The following CFAP61 variants were observed in gnomAD, a reference collection of about 807,000 sequenced individuals.
CFAP61 encodes the protein cilia and flagella associated protein 61, also known as cilia- and flagella-associated protein 61.
Under a neutral mutation model 135.6 loss-of-function variants are expected in CFAP61, and 107 were observed. The observed-to-expected ratio is 0.79, with a 90% CI of 0.67 to 0.93. The LOEUF (loss-of-function observed/expected upper bound fraction) is 0.93. CFAP61 is among the 40% of genes least tolerant of loss of function. CFAP61 has a pLI of 0.00. For missense variants in CFAP61, 1,507 were observed against 1,556.2 expected, an observed-to-expected ratio of 0.97 and a Z score of 0.53; for synonymous variants, 575 against 578.5, an observed-to-expected ratio of 0.99 and a Z score of 0.09.
chr20:20,304,303 T>TGTGAGA (rs754913257), intron 25 of CFAP61, among the ~76,000 whole-genome samples: 11 of 147,574 alleles, frequency 7.5e-5, no homozygotes, highest in African/African-American at 2.3e-4. Context: ...TGTGTGTGTG[T>TGTGAGA]GAGAGAGAGA....
intron 25 of CFAP61, among the ~76,000 whole-genome samples, chr20:20,312,492 C>A (rs553365997): frequency 1.3e-5 from 2 of 152,130 alleles, no homozygotes; most frequent in Admixed American, 1.3e-4. Context: ...GAATATAAAA[C>A]CATGAACAGG....
chr20:20,259,797 C>A (rs916315026), intron 20 of CFAP61: 2 of 152,104 alleles, frequency 1.3e-5, no homozygotes, highest in Non-Finnish European at 2.9e-5. Flanking sequence ...GAGTCTGTTA[C>A]TAAGAAAGGA....
intron 25 of CFAP61, among the ~76,000 whole-genome samples, chr20:20,313,082 T>A (rs1267709419): frequency 6.6e-6 from 1 of 152,224 alleles, no homozygotes; most frequent in Non-Finnish European, 1.5e-5. Context: ...TATGTGACTG[T>A]ATCTGGACAT....
intron 18 of CFAP61, among the ~76,000 whole-genome samples, chr20:20,233,906 G>A (rs1227007900): frequency 6.6e-6 from 1 of 151,780 alleles, no homozygotes; most frequent in African/African-American, 2.4e-5. Context: ...CTTTTTTTGT[G>A]GGTGCTTTGT....
At chr20:20,306,865 T>C (rs1239393147) in intron 25 of CFAP61, among the ~76,000 whole-genome samples, 1 of 152,214 alleles carries the variant, frequency 6.6e-6, no homozygotes, top group East Asian at 1.9e-4. Context: ...AGCACAGGGA[T>C]GGCCCTGCAT....
chr20:20,112,547 TC>T (rs1370349581), intron 8 of CFAP61, among the ~76,000 whole-genome samples: 1 of 152,148 alleles, frequency 6.6e-6, no homozygotes, highest in Non-Finnish European at 1.5e-5. Context: ...CCAGGGGCTT[TC>T]TGGAAAGTCA....
At chr20:20,204,942 G>C (rs2056793784) in intron 17 of CFAP61, among the ~76,000 whole-genome samples, 1 of 152,096 alleles carries the variant, frequency 6.6e-6, no homozygotes, top group African/African-American at 2.4e-5. Context: ...TCTACTTATA[G>C]TGAACTCTTT....
chr20:20,194,102 C>G (rs1327164479), intron 15 of CFAP61, among the ~76,000 whole-genome samples: 1 of 152,168 alleles, frequency 6.6e-6, no homozygotes, highest in African/African-American at 2.4e-5. Flanking sequence ...TATCATGTCT[C>G]TTTTGGCAGT....
chr20:20,250,377 A>C (rs1485676607), intron 19 of CFAP61, among the ~76,000 whole-genome samples: 1 of 152,228 alleles, frequency 6.6e-6, no homozygotes, highest in Admixed American at 6.5e-5. Flanking sequence ...TTAAGAGGTG[A>C]GGAAACTGAA....
At chr20:20,182,209 A>G (rs1416749917) in intron 13 of CFAP61, among the ~76,000 whole-genome samples, 1 of 152,240 alleles carries the variant, frequency 6.6e-6, no homozygotes, top group African/African-American at 2.4e-5. Flanking sequence ...TAGCTGCTTG[A>G]TAATTTGACA....
chr20:20,206,449 C>T (rs1263422789), intron 17 of CFAP61, among the ~76,000 whole-genome samples: 1 of 152,166 alleles, frequency 6.6e-6, no homozygotes, highest in Non-Finnish European at 1.5e-5. Flanking sequence ...TGCTCTCAGC[C>T]CTAGACAACC....
rs1427771677 is a variant in CFAP61 at position 20,263,005 on chromosome 20, A to G, written c.2378A>G (p.Glu793Gly). Reference protein sequence around the residue: ...ADISQHLTNREVPNSSQRRYT... With the variant: ...ADISQHLTNRGVPNSSQRRYT... ...ATTAGTCAACACCTGACAAACAGGG[A>G]GGTTCCCAACAGCAGTCAGCGGCGG... Residue 793 changes from glutamate (E) to glycine (G), a missense_variant, in exon 21 of 27, where the codon GAG (glutamate) becomes GGG (glycine). Physicochemically the swap from Glu to Gly is moderately conservative, Grantham distance 98. Transcript: ENST00000245957. 6.2e-7 allele frequency: 1 copy of G among 1,613,868 alleles called. No individual in the cohort carries two copies. Among genetic ancestry groups the G allele is most frequent in the East Asian group, 2.2e-5 (1 of 44,874 alleles).
At chr20:20,124,766 A>G (rs1057497097) in intron 8 of CFAP61, among the ~76,000 whole-genome samples, 1 of 151,618 alleles carries the variant, frequency 6.6e-6, no homozygotes, top group African/African-American at 2.4e-5. Context: ...TTCTTTCTCT[A>G]TCTTGTGGAA....
intron 25 of CFAP61, among the ~76,000 whole-genome samples, chr20:20,332,804 G>T (rs2058050812): frequency 6.6e-6 from 1 of 152,002 alleles, no homozygotes; most frequent in Admixed American, 6.6e-5. Flanking sequence ...AATTTTTGTA[G>T]AGACAAGCGT....
intron 13 of CFAP61, among the ~76,000 whole-genome samples, chr20:20,180,352 C>T (rs1378427758): frequency 6.6e-6 from 1 of 150,468 alleles, no homozygotes; most frequent in Non-Finnish European, 1.5e-5. Flanking sequence ...AAAAACTGGG[C>T]ACAGAACGTG....
intron 22 of CFAP61, among the ~76,000 whole-genome samples, chr20:20,277,714 TGGCCA>T (rs1221750605): frequency 1.3e-5 from 2 of 152,252 alleles, no homozygotes; most frequent in African/African-American, 2.4e-5. Context: ...CTTCTGGCTT[TGGCCA>T]GACTCAGCTG....
chr20:20,351,657 A>T (rs2122439559), intron 26 of CFAP61, among the ~76,000 whole-genome samples: 1 of 151,908 alleles, frequency 6.6e-6, no homozygotes, highest in African/African-American at 2.4e-5. Context: ...ACAAAGCATC[A>T]AAAAAAATAT....
intron 13 of CFAP61, 131 bp from the exon 14 acceptor site, chr20:20,187,799 C>G (rs1020707361): frequency 4.6e-6 from 3 of 654,986 alleles, no homozygotes; most frequent in Admixed American, 5.8e-5. Flanking sequence ...TTACTCAAAC[C>G]CCAGTGTTAT....
intron 20 of CFAP61, among the ~76,000 whole-genome samples, chr20:20,253,105 G>A (rs2051095370): frequency 6.6e-6 from 1 of 152,194 alleles, no homozygotes; most frequent in Non-Finnish European, 1.5e-5. Context: ...ATGCAGATTA[G>A]GAGCAGGAGG....
Sources: allele counts gnomAD v4.1 joint callset (sites outside exome capture counted in the v4.1 genomes callset), GRCh38; gene constraint gnomAD v4.1.1; transcripts MANE v1.5; gene names NCBI Gene and HGNC (gene_info 2026-07-23, HGNC 2026-07-21).